Variants in UROD observed in about 807,000 individuals in gnomAD.
UROD encodes uroporphyrinogen III decarboxylase.
In UROD, 34 loss-of-function variants were observed where a neutral mutation model predicts 47.1. The observed-to-expected ratio is 0.72, with a 90% CI of 0.55 to 0.96. The LOEUF is 0.96. Among genes scored for constraint, UROD ranks in the 40% least tolerant of loss-of-function variants. UROD has a pLI of 0.00. For missense variants in UROD, 381 were observed against 471.8 expected (o/e 0.81, Z 1.78); for synonymous variants, 148 against 175.8 (o/e 0.84, Z 1.25).
In UROD at chr1:45,015,543, C is replaced by G. The variant is rs371078664; in HGVS notation, c.*45C>G. The G allele has an allele frequency of 7.4e-6, 12 of 1,613,504 alleles. No homozygotes were observed. The highest frequency in any genetic ancestry group is 1.0e-5 in the Non-Finnish European group (12 of 1,179,882). On this transcript the variant is annotated 3_prime_UTR_variant, in exon 10 of 10. Transcript: ENST00000246337. ...AGTACCACTAACACAGATGATTGAT[C>G]GTTTCCAGGACAATAAAAGTTTCGG... is the stretch of plus-strand genomic sequence containing the variant.
chr1:45,012,782 G>A (rs1644812879), intron 1 of UROD, 125 bp from the exon 2 acceptor site: 5 of 1,545,070 alleles, frequency 3.2e-6, no homozygotes, highest in Non-Finnish European at 8.8e-7. Flanking sequence ...GAAAGCCAGG[G>A]TTTGGGAGCT....
At position 45,013,675 on chromosome 1, in the gene UROD, C is replaced by T. The variant is rs763913128; in HGVS notation, c.358C>T (p.Arg120Cys). The T allele has an allele frequency of 9.3e-6, 15 of 1,614,052 alleles. No homozygotes were observed. Among genetic ancestry groups the T allele is most frequent in the South Asian group, 3.3e-5 (3 of 91,092 alleles). The change falls in exon 5 of 10, where the codon CGC becomes TGC. Residue 120 changes from arginine (R) to cysteine (C), a missense_variant. Transcript: ENST00000246337. This position sits in a 1 kb window ranked among gnomAD's most constrained non-coding sequence, Gnocchi z 4.2. The part of the protein sequence containing the change: ...EPLREEQDLE[R>C]LRDPEVVASE... ...ATTAAGAGAAGAGCAGGACCTAGAA[C>T]GCCTACGGGATCCAGAAGTGGTAGC...
At position 45,013,663 on chromosome 1, in the gene UROD, C is replaced by T. The variant is rs397514765; in HGVS notation, c.346C>T (p.Gln116Ter). 2.5e-6 allele frequency: 4 copies of T among 1,614,014 alleles called. No homozygotes were observed. Among genetic ancestry groups the T allele is most frequent in the African/African-American group, 2.7e-5 (2 of 74,904 alleles). ...CTTCCCAGAGCCATTAAGAGAAGAG[C>T]AGGACCTAGAACGCCTACGGGATCC... is the stretch of plus-strand genomic sequence containing the variant. ...PSFPEPLREEQDLERLRDPEV... is the reference protein window; with the variant it reads ...PSFPEPLREE Residue 116 changes from glutamine (Q) to a stop codon, truncating the protein, a stop_gained, in exon 5 of 10, where the codon CAG (glutamine) becomes TAG (stop). Coordinates refer to ENST00000246337, the MANE Select transcript of UROD (RefSeq NM_000374.5). LOFTEE classifies it high-confidence loss of function. The surrounding 1 kb of genome is among the most constrained non-coding windows in gnomAD (Gnocchi z 4.2).
In UROD at chr1:45,014,012, G is replaced by A. The variant is rs143823335; in HGVS notation, c.578G>A (p.Arg193His). 8.7e-6 allele frequency: 14 copies of A among 1,614,092 alleles called. No individual in the cohort carries two copies. The African/African-American group carries it at 1.1e-4, about 12-fold the overall frequency. Residue 193 changes from arginine to histidine, a missense_variant, in exon 6 of 10, where the codon CGC (arginine) becomes CAC (histidine). Physicochemically the swap from Arg to His is conservative, Grantham distance 29 (BLOSUM62 0). Transcript: ENST00000246337. ...QRPQASHQLL[R>H]ILTDALVPYL... is the part of the protein sequence containing the mutation. ...CCTCAGGCTAGTCACCAGCTGCTTC[G>A]CATCCTCACTGATGCTCTGGTCCCA...
At position 45,014,584 on chromosome 1, in the gene UROD, T is replaced by C. The variant is rs1181678627; in HGVS notation, c.774+8T>C. 6.2e-7 allele frequency: 1 copy of C among 1,613,922 alleles called. No individual in the cohort carries two copies. Among genetic ancestry groups the C allele is most frequent in the East Asian group, 2.2e-5 (1 of 44,868 alleles). On this transcript the variant is annotated splice_region_variant and intron_variant, in intron 7 of 9. Transcript: ENST00000246337. ...CTGGCACCAGTGCCCATGGTGAGGA[T>C]TGGGATGGGTTGAGTGAAGGTGGTC...
chr1:45,012,321 G>T, intron 1 of UROD, 36 bp downstream of exon 1: 6 of 1,614,084 alleles, frequency 3.7e-6, no homozygotes, highest in Non-Finnish European at 5.1e-6. Context: ...GGCTAGCCGG[G>T]CTTCTAATTT....
Position 45,012,921 on chromosome 1 carries a change from C to A in UROD, c.35C>A (p.Pro12Gln). The A allele has an allele frequency of 6.2e-7, 1 of 1,613,720 alleles. No individual in the cohort carries two copies. The highest frequency in any genetic ancestry group is 2.2e-5 in the East Asian group (1 of 44,872). ...EANGLGPQGF[P>Q]ELKNDTFLRA... ...CTGATCGCCAGACCTCAGGGTTTTC[C>A]GGAGCTGAAGAATGACACATTCCTG... is the stretch of plus-strand genomic sequence containing the variant. The change falls in exon 2 of 10, where the codon CCG (proline) becomes CAG (glutamine). Residue 12 changes from proline (P) to glutamine (Q), a missense_variant. Coordinates refer to ENST00000246337, the MANE Select transcript of UROD (RefSeq NM_000374.5).
intron 1 of UROD, 28 bp from the exon 2 acceptor site, chr1:45,012,879 C>T (rs749346162): frequency 3.7e-6 from 6 of 1,613,092 alleles, no homozygotes; most frequent in East Asian, 4.5e-5. Flanking sequence ...CATACTGACA[C>T]CTACCCCCAC....
chr1:45,012,384 G>A, intron 1 of UROD, 99 bp downstream of exon 1: 1 of 1,557,892 alleles, frequency 6.4e-7, no homozygotes, highest in Non-Finnish European at 8.9e-7. Flanking sequence ...CCACCCTGGA[G>A]ACCTCCCAAC....
Position 45,013,275 on chromosome 1 carries a change from T to C in UROD, c.214-17T>C, listed in dbSNP as rs1457701070. 1.2e-6 allele frequency: 2 copies of C among 1,614,168 alleles called. No homozygotes were observed. The highest frequency in any genetic ancestry group is 2.2e-5 in the South Asian group (2 of 91,088). On this transcript the variant is annotated splice_polypyrimidine_tract_variant and intron_variant, in intron 3 of 9. Coordinates refer to ENST00000246337, the MANE Select transcript of UROD (RefSeq NM_000374.5). The surrounding 1 kb of genome is among the most constrained non-coding windows in gnomAD (Gnocchi z 4.2). ...CTTCAGTCTGCCACCTAGCAACCTG[T>C]CTCCTGTTTCCTACAGCCACTGCGT... is the stretch of plus-strand genomic sequence containing the variant.
intron 1 of UROD, 122 bp from the exon 2 acceptor site, chr1:45,012,785 T>A: frequency 6.5e-7 from 1 of 1,546,050 alleles, no homozygotes. Context: ...AGCCAGGGTT[T>A]GGGAGCTGGC....
chr1:45,013,367 ACCTGATCCT>A lies in UROD; in HGVS notation c.276+14_276+22del. On this transcript the variant is annotated intron_variant, in intron 4 of 9. Transcript: ENST00000246337. This position sits in a 1 kb window ranked among gnomAD's most constrained non-coding sequence, Gnocchi z 4.2. ...TGTTGTACCCCAGGTACCCACTCAA[ACCTGATCCT>A]AGAATATAATCCAAGGACGCCTTGA... 1 of 1,614,132 alleles carries A rather than the reference ACCTGATCCT, an allele frequency of 6.2e-7. No individual in the cohort carries two copies. Among genetic ancestry groups the A allele is most frequent in the Non-Finnish European group, 8.5e-7 (1 of 1,180,022 alleles).
intron 1 of UROD, 63 bp from the exon 2 acceptor site, chr1:45,012,844 G>C (rs750995354): frequency 1.2e-6 from 2 of 1,600,666 alleles, no homozygotes; most frequent in East Asian, 4.5e-5. Context: ...TTATGAACCC[G>C]CGCTTTCCCC....
Position 45,012,781 on chromosome 1 carries a change from G to A in UROD, c.21-126G>A, listed in dbSNP as rs1156587864. On this transcript the variant is annotated intron_variant, in intron 1 of 9. Coordinates refer to ENST00000246337, the MANE Select transcript of UROD (RefSeq NM_000374.5). ...GGAGGCGGAACGGGCGGAAAGCCAG[G>A]GTTTGGGAGCTGGCCTGGAGGAGGT... is the stretch of plus-strand genomic sequence containing the variant. 1.2e-5 allele frequency: 18 copies of A among 1,544,570 alleles called. No homozygotes were observed. In the South Asian group the frequency reaches 1.6e-4, roughly 13 times the overall value.
At chr1:45,012,348 G>A (rs2148981580) in intron 1 of UROD, 63 bp downstream of exon 1, 1 of 1,611,988 alleles carries the variant, frequency 6.2e-7, no homozygotes, top group Non-Finnish European at 8.5e-7. Context: ...TCCAACTCAG[G>A]ACTCTATCCC....
rs1644820261 is a variant in UROD, at chr1:45,013,279, C to T, written c.214-13C>T. The T allele has an allele frequency of 9.9e-6, 16 of 1,614,194 alleles. No homozygotes were observed. Among genetic ancestry groups the T allele is most frequent in the Non-Finnish European group, 1.3e-5 (15 of 1,180,040 alleles). ...AGTCTGCCACCTAGCAACCTGTCTC[C>T]TGTTTCCTACAGCCACTGCGTCGCT... On this transcript the variant is annotated splice_polypyrimidine_tract_variant and intron_variant, in intron 3 of 9. Transcript: ENST00000246337. The surrounding 1 kb of genome is among the most constrained non-coding windows in gnomAD (Gnocchi z 4.2).
At chr1:45,012,549 T>C in intron 1 of UROD, 1 of 623,250 alleles carries the variant, frequency 1.6e-6, no homozygotes, top group Non-Finnish European at 2.8e-6. Flanking sequence ...CCAGCCTGGG[T>C]ATTTCTCAGC....
intron 1 of UROD, 42 bp from the exon 2 acceptor site, chr1:45,012,865 G>A: frequency 1.2e-6 from 2 of 1,611,408 alleles, no homozygotes; most frequent in Middle Eastern, 3.3e-4. Flanking sequence ...AGCCTCCAGC[G>A]TAGCATACTG....
At chr1:45,012,787 G>C in intron 1 of UROD, 120 bp from the exon 2 acceptor site, 3 of 1,546,636 alleles carry the variant, frequency 1.9e-6, no homozygotes, top group Non-Finnish European at 2.6e-6. Context: ...CCAGGGTTTG[G>C]GAGCTGGCCT....
Sources: allele counts gnomAD v4.1 joint callset, GRCh38; gene constraint gnomAD v4.1.1; non-coding constraint Gnocchi (gnomAD v3.1); transcripts MANE v1.5; gene names NCBI Gene and HGNC (gene_info 2026-07-23, HGNC 2026-07-21).